Variants in PDE4B observed in about 807,000 individuals in gnomAD.
PDE4B encodes phosphodiesterase 4B, also known as 3',5'-cyclic-AMP phosphodiesterase 4B.
A neutral mutation model predicts 82.2 loss-of-function variants in PDE4B; 20 were observed. That is an observed-to-expected ratio of 0.24 (90% CI 0.17 to 0.35). The LOEUF (loss-of-function observed/expected upper bound fraction) is 0.35, where lower values mean the gene tolerates loss of function less well. Ranked by LOEUF, PDE4B falls within the 10% of genes least tolerant of loss-of-function variation. The pLI, the probability that PDE4B is intolerant of heterozygous loss-of-function variation, is 1.00. For synonymous variants in PDE4B, 320 were observed against 318.9 expected, an observed-to-expected ratio of 1.00 and a Z score of -0.04; for missense variants, 655 against 907.2, an observed-to-expected ratio of 0.72 and a Z score of 3.57.
chr1:66,190,518 C>A (rs1338396748), intron 3 of PDE4B, among the ~76,000 whole-genome samples: 1 of 152,220 alleles, frequency 6.6e-6, no homozygotes, highest in Non-Finnish European at 1.5e-5. Context: ...TTTACCTACT[C>A]AAGCCTTGGC....
Position 65,973,306 on chromosome 1 carries a change from T to A in PDE4B, c.281+54471T>A, listed in dbSNP as rs1168241623. On this transcript the variant is annotated intron_variant, in intron 3 of 16. Coordinates refer to ENST00000341517, the MANE Select transcript of PDE4B (RefSeq NM_002600.4). ...TTGATATATAAAATATATATTTATCTTTATGATTTTATGTATAAAATAATA... is the reference window on the plus strand; with the variant it reads ...TTGATATATAAAATATATATTTATCATTATGATTTTATGTATAAAATAATA... 2.7e-4 allele frequency among the ~76,000 whole-genome samples: 41 copies of A among 151,844 alleles called. 1 individual carries two copies.
rs561738059 is a variant in PDE4B, at chr1:66,296,308, T to G, written c.634+30221T>G. On this transcript the variant is annotated intron_variant, in intron 7 of 16. Coordinates refer to ENST00000341517, the MANE Select transcript of PDE4B (RefSeq NM_002600.4). ...TGAGACCTACATACTGGTAGGCACG[T>G]GATAGGGAGTGGGCTGACTTCTTGG... Among the ~76,000 whole-genome samples the G allele has an allele frequency of 3.9e-5, 6 of 152,222 alleles. No individual in the cohort carries two copies. In the East Asian group the frequency reaches 1.2e-3, roughly 29 times the overall value.
chr1:65,860,040 T>A (rs917092709), intron 1 of PDE4B, among the ~76,000 whole-genome samples: 1 of 152,212 alleles, frequency 6.6e-6, no homozygotes, highest in African/African-American at 2.4e-5. Flanking sequence ...CTCTGTTTTT[T>A]AAAATTTTTC....
At chr1:66,355,889 T>A (rs535937324) in intron 9 of PDE4B, among the ~76,000 whole-genome samples, 2 of 152,324 alleles carry the variant, frequency 1.3e-5, no homozygotes, top group African/African-American at 4.8e-5. Context: ...CCACCTTGTC[T>A]GCCTGCCTAC....
intron 1 of PDE4B, among the ~76,000 whole-genome samples, chr1:65,799,263 G>T (rs1645668122): frequency 6.6e-6 from 1 of 152,150 alleles, no homozygotes; most frequent in African/African-American, 2.4e-5. Flanking sequence ...TTCAGTGATG[G>T]CAGGGCTTGT....
intron 3 of PDE4B, among the ~76,000 whole-genome samples, chr1:65,936,646 G>A (rs1648155572): frequency 6.6e-6 from 1 of 152,132 alleles, no homozygotes; most frequent in Admixed American, 6.5e-5. Context: ...TCTAGGGTAG[G>A]ACCTAACATT....
intron 3 of PDE4B, among the ~76,000 whole-genome samples, chr1:66,216,900 T>C (rs547556889): frequency 6.6e-6 from 1 of 152,266 alleles, no homozygotes; most frequent in East Asian, 1.9e-4. Context: ...AATTTCAGCC[T>C]CATTACCTAT....
intron 3 of PDE4B, among the ~76,000 whole-genome samples, chr1:66,004,350 A>G (rs1224094853): frequency 6.6e-6 from 1 of 152,158 alleles, no homozygotes; most frequent in Non-Finnish European, 1.5e-5. Context: ...TGCATCTTAA[A>G]TCCATTCTTT....
intron 7 of PDE4B, chr1:66,331,901 T>C (rs751736203): frequency 4.0e-6 from 4 of 989,122 alleles, no homozygotes; most frequent in Non-Finnish European, 4.8e-6. Context: ...GAATAGCCTA[T>C]GCCTCTTACT....
chr1:65,820,963 T>A (rs1424797434), intron 1 of PDE4B, among the ~76,000 whole-genome samples: 2 of 152,216 alleles, frequency 1.3e-5, no homozygotes, highest in Non-Finnish European at 2.9e-5. Context: ...TGCTGCATGG[T>A]GGGCCCCAGC....
rs568730144 is a variant in PDE4B, at chr1:66,304,803, C to A, written c.635-27705C>A. Among the ~76,000 whole-genome samples the A allele has an allele frequency of 6.0e-4, 91 of 152,266 alleles. 2 individuals carry two copies. In the South Asian group the frequency reaches 0.018, roughly 31 times the overall value. On this transcript the variant is annotated intron_variant, in intron 7 of 16. Coordinates refer to ENST00000341517, the MANE Select transcript of PDE4B (RefSeq NM_002600.4). ...AAATTCTCACCTTCTTTTAAAACTA[C>A]TGCTATAGGACATTACTAAAATCCA...
intron 1 of PDE4B, among the ~76,000 whole-genome samples, chr1:65,912,138 T>C (rs1053770697): frequency 1.3e-5 from 2 of 152,192 alleles, no homozygotes; most frequent in Non-Finnish European, 2.9e-5. Flanking sequence ...TAATACTTCT[T>C]GGATTTTGTA....
At chr1:66,287,730 G>A (rs1053707176) in intron 7 of PDE4B, among the ~76,000 whole-genome samples, 4 of 152,144 alleles carry the variant, frequency 2.6e-5, no homozygotes, top group Admixed American at 6.6e-5. Flanking sequence ...GATTTTTGGA[G>A]GCTGAGGTGG....
At chr1:66,266,415 T>C (rs1201466420) in intron 7 of PDE4B, among the ~76,000 whole-genome samples, 2 of 152,176 alleles carry the variant, frequency 1.3e-5, no homozygotes, top group Non-Finnish European at 2.9e-5. Context: ...CTGGCCCCAA[T>C]AAACTCCAGG....
At chr1:65,887,893 C>T (rs1443883682) in intron 1 of PDE4B, among the ~76,000 whole-genome samples, 1 of 152,108 alleles carries the variant, frequency 6.6e-6, no homozygotes, top group African/African-American at 2.4e-5. Flanking sequence ...TTCCAGTCAA[C>T]AGATTGTCTG....
chr1:66,275,585 G>A (rs1655822780), intron 7 of PDE4B, among the ~76,000 whole-genome samples: 1 of 152,206 alleles, frequency 6.6e-6, no homozygotes, highest in African/African-American at 2.4e-5. Flanking sequence ...AGTTTGCTAA[G>A]AGACAAGGAA....
At chr1:66,038,097 T>C (rs1002319532) in intron 3 of PDE4B, among the ~76,000 whole-genome samples, 3 of 152,072 alleles carry the variant, frequency 2.0e-5, no homozygotes, top group African/African-American at 7.2e-5. Flanking sequence ...ATAAAATTGG[T>C]ACATACTGGT....
intron 3 of PDE4B, among the ~76,000 whole-genome samples, chr1:65,978,809 T>A (rs1650540924): frequency 6.6e-6 from 1 of 152,196 alleles, no homozygotes. Flanking sequence ...GAATACTGAA[T>A]CATTTAGAAT....
At chr1:66,307,727 A>G (rs1384977349) in intron 7 of PDE4B, among the ~76,000 whole-genome samples, 2 of 152,148 alleles carry the variant, frequency 1.3e-5, no homozygotes, top group Non-Finnish European at 2.9e-5. Flanking sequence ...AGAAGAGAAA[A>G]TATGAACAAT....
Sources: allele counts gnomAD v4.1 joint callset (sites outside exome capture counted in the v4.1 genomes callset), GRCh38; gene constraint gnomAD v4.1.1; transcripts MANE v1.5; gene names NCBI Gene and HGNC (gene_info 2026-07-23, HGNC 2026-07-21).